Variants in BIRC6 observed in about 807,000 individuals in gnomAD.
The protein encoded by BIRC6 is baculoviral IAP repeat containing 6, also known as dual E2 ubiquitin-conjugating enzyme/E3 ubiquitin-protein ligase BIRC6.
Under a neutral mutation model 503.3 loss-of-function variants are expected in BIRC6, and 98 were observed. That is an observed-to-expected ratio of 0.19 (90% confidence interval 0.17 to 0.23). The LOEUF (loss-of-function observed/expected upper bound fraction) is 0.23, where lower values mean the gene tolerates loss of function less well. BIRC6 is among the 10% of genes least tolerant of loss of function. The pLI is 1.00. For missense variants in BIRC6, 5,360 were observed against 5,806.0 expected (o/e 0.92, Z 2.50); for synonymous variants, 2,240 against 2,078.7 (o/e 1.08, Z -2.11).
intron 23 of BIRC6, among the ~76,000 whole-genome samples, chr2:32,462,843 C>G (rs1221152145): frequency 6.6e-6 from 1 of 151,860 alleles, no homozygotes. Context: ...CTAATCCCAG[C>G]TACTCAGGAG....
intron 65 of BIRC6, among the ~76,000 whole-genome samples, chr2:32,569,196 C>T (rs1218657137): frequency 6.6e-6 from 1 of 151,980 alleles, no homozygotes; most frequent in Admixed American, 6.6e-5. Context: ...GCCGTGTTGA[C>T]CAGACTGGCC....
chr2:32,502,776 T>C lies in BIRC6; in HGVS notation c.9208-19T>C, dbSNP rs1322226622. 2 of 1,563,528 alleles carry C rather than the reference T, an allele frequency of 1.3e-6. No individual in the cohort carries two copies. Among genetic ancestry groups the C allele is most frequent in the Non-Finnish European group, 1.8e-6 (2 of 1,139,386 alleles). The stretch of plus-strand genomic sequence containing the variant: ...CACAGGAATATATAAAGTCATAATA[T>C]GCATATTTCATTTTTTAGGGCTCTC... On this transcript the variant is annotated intron_variant, in intron 47 of 73. Transcript: ENST00000421745.
rs760334094 is a variant in BIRC6 at position 32,499,883 on chromosome 2, A to C, written c.8805A>C (p.Ser2935=). The C allele has an allele frequency of 1.9e-6, 3 of 1,614,038 alleles. No individual in the cohort carries two copies. In the South Asian group the frequency reaches 3.3e-5, roughly 18 times the overall value. The stretch of plus-strand genomic sequence containing the variant: ...ACATTTTAGTGCAGCTGCCTCTTTC[A>C]GGCAATAGGGAATACAGTGCAAGAG... ...LVNILVQLPL[S]GNREYSARVS... is the part of the protein sequence containing the mutation. Residue 2935 remains serine (S), a synonymous_variant, in exon 46 of 74, where the codon TCA becomes TCC. Coordinates refer to ENST00000421745, the MANE Select transcript of BIRC6 (RefSeq NM_016252.4).
intron 39 of BIRC6, among the ~76,000 whole-genome samples, chr2:32,484,089 C>G (rs1483849093): frequency 6.6e-6 from 1 of 152,130 alleles, no homozygotes; most frequent in Non-Finnish European, 1.5e-5. Flanking sequence ...TTTGACCAGG[C>G]TGTTCTCAAA....
At chr2:32,524,565 A>C (rs1438942662) in intron 57 of BIRC6, among the ~76,000 whole-genome samples, 1 of 152,184 alleles carries the variant, frequency 6.6e-6, no homozygotes, top group Admixed American at 6.5e-5. Flanking sequence ...AAGCACATTG[A>C]ACTATGGCTA....
intron 65 of BIRC6, among the ~76,000 whole-genome samples, chr2:32,557,115 T>C (rs1183452350): frequency 6.6e-6 from 1 of 152,230 alleles, no homozygotes; most frequent in Non-Finnish European, 1.5e-5. Flanking sequence ...TGGCCTTATC[T>C]TTACAACTGC....
intron 1 of BIRC6, among the ~76,000 whole-genome samples, chr2:32,362,293 T>C (rs1260893287): frequency 1.3e-5 from 2 of 152,048 alleles, no homozygotes; most frequent in Non-Finnish European, 2.9e-5. Flanking sequence ...ATTTGTCTCT[T>C]TTTATATGTT....
intron 50 of BIRC6, among the ~76,000 whole-genome samples, chr2:32,506,374 T>G (rs1304125655): frequency 3.9e-5 from 6 of 152,226 alleles, no homozygotes; most frequent in Non-Finnish European, 7.3e-5. Context: ...ATAGCTTAAT[T>G]ACTTGTGGCA....
At chr2:32,566,133 G>A (rs1428216926) in intron 65 of BIRC6, 1 of 151,716 alleles carries the variant, frequency 6.6e-6, no homozygotes, top group African/African-American at 2.4e-5. Context: ...ATACCTTACT[G>A]TCCTATCCCC....
intron 9 of BIRC6, among the ~76,000 whole-genome samples, chr2:32,411,474 G>A (rs896744825): frequency 8.3e-5 from 11 of 132,140 alleles, no homozygotes; most frequent in Admixed American, 7.1e-4. Flanking sequence ...TTCGAAAATC[G>A]CCTAGAGTGG....
At chr2:32,425,177 A>G (rs941747544) in intron 10 of BIRC6, among the ~76,000 whole-genome samples, 1 of 151,662 alleles carries the variant, frequency 6.6e-6, no homozygotes, top group African/African-American at 2.4e-5. Context: ...ATTTGCAAAT[A>G]CTTACTTTCT....
At chr2:32,561,884 A>G (rs1294892807) in intron 65 of BIRC6, among the ~76,000 whole-genome samples, 5 of 151,792 alleles carry the variant, frequency 3.3e-5, no homozygotes, top group Non-Finnish European at 5.9e-5. Flanking sequence ...TTTACTAAAA[A>G]TACAAAAACT....
chr2:32,570,400 T>C (rs1433011055), intron 65 of BIRC6, among the ~76,000 whole-genome samples: 1 of 152,226 alleles, frequency 6.6e-6, no homozygotes, highest in Non-Finnish European at 1.5e-5. Context: ...GTCAGGCTGG[T>C]CTCGAACTCC....
intron 69 of BIRC6, among the ~76,000 whole-genome samples, chr2:32,598,639 G>C (rs2061832533): frequency 6.6e-6 from 1 of 152,120 alleles, no homozygotes; most frequent in Non-Finnish European, 1.5e-5. Flanking sequence ...TTATATTTAT[G>C]ATTTAATTCA....
chr2:32,430,559 T>A (rs1255365075), intron 11 of BIRC6, among the ~76,000 whole-genome samples: 3 of 152,162 alleles, frequency 2.0e-5, no homozygotes, highest in Admixed American at 6.5e-5. Context: ...TTTCTTGCCA[T>A]CCTTATTAGG....
At chr2:32,474,129 A>G (rs1016263012) in intron 33 of BIRC6, among the ~76,000 whole-genome samples, 1 of 152,088 alleles carries the variant, frequency 6.6e-6, no homozygotes, top group Non-Finnish European at 1.5e-5. Context: ...GCATGTTGTG[A>G]AAGCTTTGGG....
At chr2:32,501,952 T>C (rs1316657488) in intron 47 of BIRC6, 64 bp downstream of exon 47, 1 of 1,420,714 alleles carries the variant, frequency 7.0e-7, no homozygotes, top group Non-Finnish European at 9.6e-7. Flanking sequence ...AAGTGGAAAA[T>C]TACAGGACAA....
rs751043719 is a variant in BIRC6, at chr2:32,515,652, C to G, written c.11231C>G (p.Ser3744Cys). ...ACCAGTGCAAGATCAGCTTCTCTTT[C>G]TTCAGCTGCTACAACAGGACTGACT... Reference protein sequence around the residue: ...QQTSARSASLSSAATTGLTTQ... With the variant: ...QQTSARSASLCSAATTGLTTQ... Residue 3744 changes from serine to cysteine, a missense_variant, in exon 55 of 74, where the codon TCT becomes TGT. Physicochemically the swap from Ser to Cys is moderately radical, Grantham distance 112. Coordinates refer to ENST00000421745, the MANE Select transcript of BIRC6 (RefSeq NM_016252.4). 3 of 1,610,630 alleles carry G rather than the reference C, an allele frequency of 1.9e-6. No individual in the cohort carries two copies. The highest frequency in any genetic ancestry group is 2.7e-5 in the African/African-American group (2 of 74,928).
At chr2:32,476,458 TACTCTGG>T (rs2049775883) in intron 34 of BIRC6, 114 bp downstream of exon 34, 1 of 1,122,042 alleles carries the variant, frequency 8.9e-7, no homozygotes, top group South Asian at 1.9e-5. Flanking sequence ...GAAGCCAACC[TACTCTGG>T]ACTTTTTTTT....
Sources: gnomAD v4.1 joint callset for allele counts (sites outside exome capture counted in the v4.1 genomes callset) on GRCh38, gnomAD v4.1.1 for gene constraint, MANE v1.5 for transcripts, NCBI Gene and HGNC (gene_info 2026-07-23, HGNC 2026-07-21) for gene names.